Variants in PTPRG observed in about 807,000 individuals in gnomAD.
PTPRG encodes receptor-type tyrosine-protein phosphatase gamma.
A neutral mutation model predicts 165.3 loss-of-function variants in PTPRG; 102 were observed. The observed-to-expected ratio is 0.62, with a 90% CI of 0.53 to 0.73. The LOEUF is 0.73. Ranked by LOEUF, PTPRG falls within the 30% of genes least tolerant of loss-of-function variation. The pLI, the probability that PTPRG is intolerant of heterozygous loss-of-function variation, is 0.00. For synonymous variants in PTPRG, 675 were observed against 669.5 expected (o/e 1.01, Z -0.13); for missense variants, 1,866 against 1,861.4 (o/e 1.00, Z -0.05).
rs1410362584 is a variant in PTPRG, at chr3:62,224,266, G to T, written c.2288+5283G>T. Among the ~76,000 whole-genome samples the T allele has an allele frequency of 1.3e-5, 2 of 152,138 alleles. No individual in the cohort carries two copies. The highest frequency in any genetic ancestry group is 2.4e-5 in the African/African-American group (1 of 41,412). ...AGTAAGCTTCATTGATGTTGCAGCAGACACACCCTAGAACCCCAGTGGCTT... is the reference window on the plus strand; with the variant it reads ...AGTAAGCTTCATTGATGTTGCAGCATACACACCCTAGAACCCCAGTGGCTT... On this transcript the variant is annotated intron_variant, in intron 13 of 29. Coordinates refer to ENST00000474889, the MANE Select transcript of PTPRG (RefSeq NM_002841.4). This position sits in a 1 kb window ranked among gnomAD's most constrained non-coding sequence, Gnocchi z 4.9.
intron 1 of PTPRG, chr3:61,742,790 A>G: frequency 6.2e-7 from 1 of 1,610,580 alleles, no homozygotes; most frequent in South Asian, 1.1e-5. Flanking sequence ...AACGCATCAT[A>G]CTTCTTGGCC....
intron 2 of PTPRG, among the ~76,000 whole-genome samples, chr3:61,978,644 A>G (rs936111003): frequency 2.0e-5 from 3 of 152,214 alleles, no homozygotes; most frequent in Admixed American, 1.3e-4. Flanking sequence ...CATATTACCT[A>G]TGTGCTGTAT....
At chr3:61,698,666 G>C (rs2030751558) in intron 1 of PTPRG, among the ~76,000 whole-genome samples, 1 of 152,122 alleles carries the variant, frequency 6.6e-6, no homozygotes, top group African/African-American at 2.4e-5. Context: ...AAGAGGTTTT[G>C]TTTATGTGGA....
chr3:62,192,391 G>GTTTTTTTTT (rs1699853745), intron 9 of PTPRG, among the ~76,000 whole-genome samples: 1 of 90,712 alleles, frequency 1.1e-5, no homozygotes, highest in Non-Finnish European at 2.1e-5. Context: ...CACAACTACT[G>GTTTTTTTTT]TCTTTTTTTT....
chr3:61,740,764 C>A (rs532248808), intron 1 of PTPRG, among the ~76,000 whole-genome samples: 1 of 151,764 alleles, frequency 6.6e-6, no homozygotes, highest in South Asian at 2.1e-4. Flanking sequence ...CATCATGGCT[C>A]TATATTAGGT....
At chr3:62,057,428 C>T (rs1575946853) in intron 4 of PTPRG, among the ~76,000 whole-genome samples, 1 of 152,182 alleles carries the variant, frequency 6.6e-6, no homozygotes, top group African/African-American at 2.4e-5. Flanking sequence ...TTGTGGGACT[C>T]CCAAAGGATG....
chr3:61,613,649 A>G (rs1701233676), intron 1 of PTPRG, among the ~76,000 whole-genome samples: 1 of 152,226 alleles, frequency 6.6e-6, no homozygotes, highest in Non-Finnish European at 1.5e-5. Flanking sequence ...AATCAGAATG[A>G]ACTGGGCATT....
At chr3:62,066,419 C>T (rs1162237191) in intron 4 of PTPRG, among the ~76,000 whole-genome samples, 1 of 152,144 alleles carries the variant, frequency 6.6e-6, no homozygotes, top group South Asian at 2.1e-4. Flanking sequence ...GTCCATTTAT[C>T]CAAAATGATT....
At chr3:61,896,478 GTT>G (rs1356967598) in intron 2 of PTPRG, among the ~76,000 whole-genome samples, 4 of 152,158 alleles carry the variant, frequency 2.6e-5, no homozygotes, top group Admixed American at 6.5e-5. Context: ...ACTGATTCCA[GTT>G]TTTGGCTATT....
chr3:62,167,850 C>T (rs1261387611), intron 7 of PTPRG, 121 bp from the exon 8 acceptor site: 3 of 1,012,262 alleles, frequency 3.0e-6, no homozygotes, highest in Non-Finnish European at 4.4e-6. Flanking sequence ...GCATTGGGCA[C>T]TTCCTACCGT....
chr3:61,761,188 A>C (rs1367351521), intron 2 of PTPRG, among the ~76,000 whole-genome samples: 2 of 152,182 alleles, frequency 1.3e-5, no homozygotes, highest in African/African-American at 4.8e-5. Context: ...CATCTTCCAC[A>C]ATGATTGAAC....
chr3:61,850,248 C>T (rs1011584671), intron 2 of PTPRG, among the ~76,000 whole-genome samples: 16 of 152,176 alleles, frequency 1.1e-4, no homozygotes, highest in Admixed American at 3.9e-4. Flanking sequence ...CTGCAACCCC[C>T]GCCTCCTGGG....
chr3:62,201,277 A>C (rs893662459), intron 10 of PTPRG, among the ~76,000 whole-genome samples: 3 of 152,240 alleles, frequency 2.0e-5, no homozygotes, highest in African/African-American at 7.2e-5. Context: ...AGCTTAAGAC[A>C]GGGGTCAGCA....
chr3:61,689,998 T>A (rs1274619136), intron 1 of PTPRG, among the ~76,000 whole-genome samples: 1 of 152,194 alleles, frequency 6.6e-6, no homozygotes, highest in Non-Finnish European at 1.5e-5. Flanking sequence ...CATACTCCAT[T>A]GGAAGGACCA....
chr3:61,671,082 G>A (rs1167707354), intron 1 of PTPRG, among the ~76,000 whole-genome samples: 10 of 151,772 alleles, frequency 6.6e-5, no homozygotes, highest in East Asian at 1.9e-4. Context: ...GGCATCTCTC[G>A]GGGAAGATTA....
intron 2 of PTPRG, among the ~76,000 whole-genome samples, chr3:61,927,560 G>C (rs903391895): frequency 6.6e-6 from 1 of 152,168 alleles, no homozygotes; most frequent in African/African-American, 2.4e-5. Flanking sequence ...CCATTTATGC[G>C]GACTTGCTGG....
At chr3:62,174,922 A>T (rs1209842757) in intron 8 of PTPRG, among the ~76,000 whole-genome samples, 13 of 152,154 alleles carry the variant, frequency 8.5e-5, no homozygotes, top group Non-Finnish European at 1.3e-4. Context: ...CCCCATGGAG[A>T]GTTTTTAACC....
In PTPRG at chr3:62,235,989, C is replaced by T. The variant is rs183563462; in HGVS notation, c.2375+4678C>T. On this transcript the variant is annotated intron_variant, in intron 14 of 29. Transcript: ENST00000474889. ...GCACATTGACATTTGTCAAATCTCA[C>T]GCCCCCTTTTATGATTTGGAAAATA... 1.5e-3 allele frequency among the ~76,000 whole-genome samples: 227 copies of T among 152,304 alleles called. 1 individual carries two copies. The highest frequency in any genetic ancestry group is 4.8e-3 in the Admixed American group (74 of 15,292).
chr3:61,927,440 G>C (rs1289242534), intron 2 of PTPRG, among the ~76,000 whole-genome samples: 1 of 152,164 alleles, frequency 6.6e-6, no homozygotes, highest in Non-Finnish European at 1.5e-5. Flanking sequence ...ATTGGAGATG[G>C]TCCCTGCCAG....
Sources: gnomAD v4.1 joint callset for allele counts (sites outside exome capture counted in the v4.1 genomes callset) on GRCh38, gnomAD v4.1.1 for gene constraint, Gnocchi (gnomAD v3.1) non-coding constraint, MANE v1.5 for transcripts, NCBI Gene and HGNC (gene_info 2026-07-23, HGNC 2026-07-21) for gene names.